PPT2: variants seen among roughly 807,000 people sequenced by gnomAD.
PPT2 encodes palmitoyl-protein thioesterase 2.
A neutral mutation model predicts 37.3 loss-of-function variants in PPT2; 20 were observed. That is an observed-to-expected ratio of 0.54 (90% CI 0.38 to 0.78). The LOEUF (loss-of-function observed/expected upper bound fraction) is 0.78, where lower values mean the gene tolerates loss of function less well. Among genes scored for constraint, PPT2 ranks in the 30% least tolerant of loss-of-function variants. The pLI, the probability that PPT2 is intolerant of heterozygous loss-of-function variation, is 0.00. For missense variants in PPT2, 270 were observed against 389.8 expected, an observed-to-expected ratio of 0.69 and a Z score of 2.59; for synonymous variants, 135 against 159.1, an observed-to-expected ratio of 0.85 and a Z score of 1.14.
intron 7 of PPT2, among the ~76,000 whole-genome samples, chr6:32,159,737 T>C (rs981191266): frequency 6.6e-6 from 1 of 151,614 alleles, no homozygotes; most frequent in Non-Finnish European, 1.5e-5. Context: ...TTTTTTTTTT[T>C]TGAGACAGAG....
intron 7 of PPT2, among the ~76,000 whole-genome samples, chr6:32,160,061 T>C (rs1784053913): frequency 6.6e-6 from 1 of 151,214 alleles, no homozygotes; most frequent in South Asian, 2.1e-4. Context: ...ATATATTTTT[T>C]GAGTTGGAGT....
In PPT2 at chr6:32,154,497, C is replaced by A; in HGVS notation, c.-8-90C>A. The A allele has an allele frequency of 2.0e-6, 3 of 1,523,302 alleles. No homozygotes were observed. The highest frequency in any genetic ancestry group is 2.6e-6 in the Non-Finnish European group (3 of 1,133,858). 94.4% of individuals were successfully genotyped at this position (1,523,302 alleles called of 1,614,324 possible). The stretch of plus-strand genomic sequence containing the variant: ...TTGTGACACGGACCTGGTGTGGGAG[C>A]GAGAGGAGGTGGCTTGATTGCCGGG... On this transcript the variant is annotated intron_variant, in intron 1 of 8. Transcript: ENST00000324816. This position sits in a 1 kb window ranked among gnomAD's most constrained non-coding sequence, Gnocchi z 7.3.
At chr6:32,158,336 T>G (rs1336805440) in intron 7 of PPT2, 1 of 166,136 alleles carries the variant, frequency 6.0e-6, no homozygotes, top group Non-Finnish European at 1.3e-5. Context: ...TTATACCATT[T>G]TATCACATTT....
At position 32,158,480 on chromosome 6, in the gene PPT2, C is replaced by G. The variant is rs55829368; in HGVS notation, c.710+556C>G. On this transcript the variant is annotated intron_variant, in intron 7 of 8. Coordinates refer to ENST00000324816, the MANE Select transcript of PPT2 (RefSeq NM_005155.7). ...TGTGTTATAGGTCACCATGTGTGAT[C>G]TGTAATGTCACCTGAGCTACTTGAA... Among the ~76,000 whole-genome samples the G allele has an allele frequency of 1.9e-4, 29 of 152,254 alleles. No individual in the cohort carries two copies. The East Asian group carries it at 5.4e-3, about 28-fold the overall frequency.
chr6:32,154,607 T>A lies in PPT2; in HGVS notation c.13T>A (p.Cys5Ser). The A allele has an allele frequency of 6.2e-7, 1 of 1,611,606 alleles. No homozygotes were observed. The highest frequency in any genetic ancestry group is 8.5e-7 in the Non-Finnish European group (1 of 1,179,268). MLGL[C>S]GQRLPAAWVL... ...CTCAGGCGGGAGCATGCTGGGGCTC[T>A]GCGGGCAGCGGCTCCCCGCGGCGTG... is the stretch of plus-strand genomic sequence containing the variant. The change falls in exon 2 of 9, where the codon TGC (cysteine) becomes AGC (serine). Residue 5 changes from cysteine (C) to serine (S), a missense_variant. Cys to Ser is a moderately radical substitution (Grantham distance 112, BLOSUM62 -1). Transcript: ENST00000324816. This position sits in a 1 kb window ranked among gnomAD's most constrained non-coding sequence, Gnocchi z 7.3.
chr6:32,157,225 A>C (rs1164765215), intron 5 of PPT2: 2 of 202,572 alleles, frequency 9.9e-6, no homozygotes, highest in East Asian at 1.2e-4. Context: ...TGTTATCACT[A>C]CTATTATTAT....
Position 32,162,019 on chromosome 6 carries a change from G to A in PPT2, c.711-549G>A, listed in dbSNP as rs1441143654. Among the ~76,000 whole-genome samples the A allele has an allele frequency of 6.6e-6, 1 of 152,124 alleles. No individual in the cohort carries two copies. Among genetic ancestry groups the A allele is most frequent in the Non-Finnish European group, 1.5e-5 (1 of 68,018 alleles). On this transcript the variant is annotated intron_variant, in intron 7 of 8. Transcript: ENST00000324816. This position sits in a 1 kb window ranked among gnomAD's most constrained non-coding sequence, Gnocchi z 5.5. ...AGGTGTGAGCCACCTCGCCCGGCCA[G>A]TAATGCATTTTTGATGGGGTTTCTA... is the stretch of plus-strand genomic sequence containing the variant.
Position 32,156,511 on chromosome 6 carries a change from T to C in PPT2, c.541+533T>C, listed in dbSNP as rs138148701. On this transcript the variant is annotated intron_variant, in intron 5 of 8. Transcript: ENST00000324816. This position sits in a 1 kb window ranked among gnomAD's most constrained non-coding sequence, Gnocchi z 4.9. The stretch of plus-strand genomic sequence containing the variant: ...GCCAGAGAGTAAATATTTTTGACTT[T>C]GTAGGACATATAGTCTGTTTCACAA... Among the ~76,000 whole-genome samples the C allele has an allele frequency of 1.5e-3, 236 of 152,350 alleles. No individual in the cohort carries two copies. Among genetic ancestry groups the C allele is most frequent in the Middle Eastern group, 3.4e-3 (1 of 294 alleles).
At chr6:32,158,462 T>C (rs1393787259) in intron 7 of PPT2, 3 of 152,828 alleles carry the variant, frequency 2.0e-5, no homozygotes, top group Non-Finnish European at 4.4e-5. Flanking sequence ...GCCTGTGTTA[T>C]AGGTCACCAT....
Position 32,156,019 on chromosome 6 carries a change from CA to C in PPT2, c.541+42del, listed in dbSNP as rs1268551719. On this transcript the variant is annotated intron_variant, in intron 5 of 8. Coordinates refer to ENST00000324816, the MANE Select transcript of PPT2 (RefSeq NM_005155.7). The surrounding 1 kb of genome is among the most constrained non-coding windows in gnomAD (Gnocchi z 4.9). ...GAACTGGGGCTTCCATGGATCAGGT[CA>C]GTTGCTTCCACCTCTGCTACAACCA... 1 of 1,438,110 alleles carries C rather than the reference CA, an allele frequency of 7.0e-7. No homozygotes were observed. The highest frequency in any genetic ancestry group is 1.1e-5 in the South Asian group (1 of 87,360). The allele number at this position is 1,438,110 out of a possible 1,614,324, so 89.1% of individuals were successfully genotyped here.
At position 32,154,798 on chromosome 6, in the gene PPT2, G is replaced by C. The variant is rs1783636253; in HGVS notation, c.183+21G>C. 1 of 1,606,200 alleles carries C rather than the reference G, an allele frequency of 6.2e-7. No individual in the cohort carries two copies. Among genetic ancestry groups the C allele is most frequent in the East Asian group, 2.2e-5 (1 of 44,664 alleles). On this transcript the variant is annotated intron_variant, in intron 2 of 8. Coordinates refer to ENST00000324816, the MANE Select transcript of PPT2 (RefSeq NM_005155.7). This position sits in a 1 kb window ranked among gnomAD's most constrained non-coding sequence, Gnocchi z 7.3. The stretch of plus-strand genomic sequence containing the variant: ...ATGAGGTCTGGCAGGGGACACCTGG[G>C]TGCAGGGCGTTAGAGGCGTCTACTG...
In PPT2 at chr6:32,163,177, T is replaced by C; in HGVS notation, c.*227T>C. The C allele has an allele frequency of 1.7e-6, 1 of 574,118 alleles. No homozygotes were observed. 35.6% of individuals were successfully genotyped at this position (574,118 alleles called of 1,614,324 possible). The stretch of plus-strand genomic sequence containing the variant: ...GCCTCCCCTACCTCATGTCCTCTCA[T>C]TTGGGGGATTGCTCCGTGCTGTCCC... On this transcript the variant is annotated 3_prime_UTR_variant, in exon 9 of 9. Transcript: ENST00000324816.
At chr6:32,154,120 C>T, upstream of PPT2, 3 of 1,085,452 alleles carry the variant, frequency 2.8e-6, no homozygotes, top group Non-Finnish European at 3.4e-6. The surrounding 1 kb of genome is among the most constrained non-coding windows in gnomAD (Gnocchi z 7.3). Flanking sequence ...CCCAAGCAGC[C>T]CGCCCTTCCC....
Position 32,163,024 on chromosome 6 carries a change from C to G in PPT2, c.*74C>G. 1 of 1,481,442 alleles carries G rather than the reference C, an allele frequency of 6.8e-7. No homozygotes were observed. Among genetic ancestry groups the G allele is most frequent in the South Asian group, 1.3e-5 (1 of 78,646 alleles). The allele number at this position is 1,481,442 out of a possible 1,614,324, so 91.8% of individuals were successfully genotyped here. ...GTGGCCTTGGAAAGCAGATGTCAGGCTTTGGTGTGCCTGTGACCACCTCAT... is the reference window on the plus strand; with the variant it reads ...GTGGCCTTGGAAAGCAGATGTCAGGGTTTGGTGTGCCTGTGACCACCTCAT... On this transcript the variant is annotated 3_prime_UTR_variant, in exon 9 of 9. Transcript: ENST00000324816.
Position 32,155,001 on chromosome 6 carries a change from C to G in PPT2, c.184-29C>G. On this transcript the variant is annotated intron_variant, in intron 2 of 8. Coordinates refer to ENST00000324816, the MANE Select transcript of PPT2 (RefSeq NM_005155.7). The surrounding 1 kb of genome is among the most constrained non-coding windows in gnomAD (Gnocchi z 4.3). ...CGTGTGGGAGCTTCTTAGCCTATCC[C>G]CGGTGGCTGCATTGCCCCCTTCCCA... 1 of 1,611,712 alleles carries G rather than the reference C, an allele frequency of 6.2e-7. No individual in the cohort carries two copies. The highest frequency in any genetic ancestry group is 8.5e-7 in the Non-Finnish European group (1 of 1,179,850).
At position 32,156,571 on chromosome 6, in the gene PPT2, C is replaced by T. The variant is rs1163323824; in HGVS notation, c.541+593C>T. Among the ~76,000 whole-genome samples the T allele has an allele frequency of 6.6e-6, 1 of 152,120 alleles. No homozygotes were observed. The highest frequency in any genetic ancestry group is 1.5e-5 in the Non-Finnish European group (1 of 68,024). On this transcript the variant is annotated intron_variant, in intron 5 of 8. Transcript: ENST00000324816. The surrounding 1 kb of genome is among the most constrained non-coding windows in gnomAD (Gnocchi z 4.9). ...TCTGCTGTTGTAGTGTGAAAGCAGC[C>T]ATGTACCATATGTGAATGAATGTGC...
Position 32,154,392 on chromosome 6 carries a change from C to A in PPT2, c.-21C>A. On this transcript the variant is annotated 5_prime_UTR_variant, in exon 1 of 9. Coordinates refer to ENST00000324816, the MANE Select transcript of PPT2 (RefSeq NM_005155.7). The surrounding 1 kb of genome is among the most constrained non-coding windows in gnomAD (Gnocchi z 7.3). Reference sequence around the variant, plus strand: ...GAACGCTGAGTTGGAGGCGGGACTTCGGGTGCGCGTTGGTGCGTCAACGTG... The same window carrying A: ...GAACGCTGAGTTGGAGGCGGGACTTAGGGTGCGCGTTGGTGCGTCAACGTG... 7.0e-7 allele frequency: 1 copy of A among 1,437,878 alleles called. No individual in the cohort carries two copies. Among genetic ancestry groups the A allele is most frequent in the Non-Finnish European group, 9.1e-7 (1 of 1,101,184 alleles). 89.1% of individuals were successfully genotyped at this position (1,437,878 alleles called of 1,614,324 possible). A position where few individuals can be genotyped will look rare whatever the true frequency, so the allele number is the denominator to read the frequency against.
chr6:32,153,705 G>T (rs1238577521), upstream of PPT2: 20 of 1,541,876 alleles, frequency 1.3e-5, no homozygotes, highest in Non-Finnish European at 8.8e-7. The surrounding 1 kb of genome is among the most constrained non-coding windows in gnomAD (Gnocchi z 4.4). Context: ...GCCCGGGCTG[G>T]CATCAGCCCT....
At position 32,163,261 on chromosome 6, in the gene PPT2, T is replaced by TTGC. The variant is rs1784286074; in HGVS notation, c.*322_*324dup. ...CCATGTTTTTAACTTGTGGCTGCTT[T>TTGC]TGCTGCTGCTGCTCCTCCGTATCTG... is the stretch of plus-strand genomic sequence containing the variant. On this transcript the variant is annotated 3_prime_UTR_variant, in exon 9 of 9. Coordinates refer to ENST00000324816, the MANE Select transcript of PPT2 (RefSeq NM_005155.7). 4 of 372,330 alleles carry TTGC rather than the reference T, an allele frequency of 1.1e-5. No homozygotes were observed. Among genetic ancestry groups the TTGC allele is most frequent in the East Asian group, 4.6e-5 (1 of 21,954 alleles). 23.1% of individuals were successfully genotyped at this position (372,330 alleles called of 1,614,324 possible). A position where few individuals can be genotyped will look rare whatever the true frequency, so the allele number is the denominator to read the frequency against.
Sources: gnomAD v4.1 joint callset for allele counts (sites outside exome capture counted in the v4.1 genomes callset) on GRCh38, gnomAD v4.1.1 for gene constraint, Gnocchi (gnomAD v3.1) non-coding constraint, MANE v1.5 for transcripts, NCBI Gene and HGNC (gene_info 2026-07-23, HGNC 2026-07-21) for gene names.